Variants in SGMS2 observed in about 807,000 individuals in gnomAD.
SGMS2 encodes the protein sphingomyelin synthase 2.
Under a neutral mutation model 43.8 loss-of-function variants are expected in SGMS2, and 21 were observed. The ratio of observed to expected loss-of-function variants is 0.48; its 90% CI spans 0.34 to 0.69. The LOEUF (loss-of-function observed/expected upper bound fraction) is 0.69, where lower values mean the gene tolerates loss of function less well. Among genes scored for constraint, SGMS2 ranks in the 30% least tolerant of loss-of-function variants. SGMS2 has a pLI of 0.01. For missense variants in SGMS2, 384 were observed against 443.2 expected (o/e 0.87, Z 1.20); for synonymous variants, 167 against 160.6 (o/e 1.04, Z -0.30).
upstream of SGMS2, chr4:107,824,696 A>AT (rs1725465947): frequency 6.6e-6 from 1 of 151,830 alleles, no homozygotes; most frequent in South Asian, 2.1e-4. Flanking sequence ...GTCGGCTGGG[A>AT]TTTTCTTCTT....
At chr4:107,850,905 C>T (rs1727099867) in intron 1 of SGMS2, among the ~76,000 whole-genome samples, 1 of 152,168 alleles carries the variant, frequency 6.6e-6, no homozygotes, top group Admixed American at 6.5e-5. Flanking sequence ...AGTTGCAAAA[C>T]CTTCTACGAG....
At chr4:107,830,965 G>T (rs972504352) in intron 1 of SGMS2, among the ~76,000 whole-genome samples, 2 of 152,164 alleles carry the variant, frequency 1.3e-5, no homozygotes, top group African/African-American at 4.8e-5. Flanking sequence ...GATACTATAA[G>T]TACTAGTGAA....
At chr4:107,869,862 G>A (rs1163495887) in intron 2 of SGMS2, among the ~76,000 whole-genome samples, 1 of 152,048 alleles carries the variant, frequency 6.6e-6, no homozygotes, top group Non-Finnish European at 1.5e-5. Context: ...TTTTTCTTAA[G>A]TCAAAATAAG....
intron 2 of SGMS2, among the ~76,000 whole-genome samples, chr4:107,889,358 A>G (rs560207469): frequency 7.4e-4 from 113 of 152,318 alleles, no homozygotes; most frequent in African/African-American, 2.6e-3. Flanking sequence ...TTGCTTGATT[A>G]ATAAATGCAA....
Position 107,914,716 on chromosome 4 carries a change from A to G in SGMS2, c.*4163A>G, listed in dbSNP as rs1421452341. 2 of 152,160 alleles carry G rather than the reference A, an allele frequency of 1.3e-5. No homozygotes were observed. Among genetic ancestry groups the G allele is most frequent in the Non-Finnish European group, 2.9e-5 (2 of 68,000 alleles). 9.4% of individuals were successfully genotyped at this position (152,160 alleles called of 1,614,324 possible). A position where few individuals can be genotyped will look rare whatever the true frequency, so the allele number is the denominator to read the frequency against. On this transcript the variant is annotated 3_prime_UTR_variant, in exon 7 of 7. Coordinates refer to ENST00000690982, the MANE Select transcript of SGMS2 (RefSeq NM_001375905.1). ...CAGAAGCTCTTTTTTCCTACCCACCAGTACCTTAATCATTGGTTTATCACA... is the reference window on the plus strand; with the variant it reads ...CAGAAGCTCTTTTTTCCTACCCACCGGTACCTTAATCATTGGTTTATCACA...
At chr4:107,836,147 A>C (rs749299453) in intron 1 of SGMS2, among the ~76,000 whole-genome samples, 2 of 152,182 alleles carry the variant, frequency 1.3e-5, no homozygotes, top group Non-Finnish European at 2.9e-5. Context: ...TGTATATTCT[A>C]CACTTACAGA....
At chr4:107,866,076 A>G (rs1292564761) in intron 2 of SGMS2, among the ~76,000 whole-genome samples, 2 of 152,234 alleles carry the variant, frequency 1.3e-5, no homozygotes, top group Admixed American at 6.5e-5. Context: ...AGTCAGGGTT[A>G]GAACCTGGAT....
chr4:107,887,887 A>G (rs1033618981), intron 2 of SGMS2, among the ~76,000 whole-genome samples: 11 of 152,228 alleles, frequency 7.2e-5, no homozygotes, highest in Non-Finnish European at 1.2e-4. Flanking sequence ...ACCATAAGAT[A>G]AAACTTCCAT....
chr4:107,891,773 C>A (rs1182377600), intron 2 of SGMS2, among the ~76,000 whole-genome samples: 1 of 151,936 alleles, frequency 6.6e-6, no homozygotes, highest in Non-Finnish European at 1.5e-5. Flanking sequence ...AAGCTGGCCA[C>A]CCCCACCCTA....
intron 1 of SGMS2, among the ~76,000 whole-genome samples, chr4:107,845,156 C>A (rs76630368): frequency 0.035 from 5,311 of 152,264 alleles, 314 homozygotes; most frequent in African/African-American, 0.12. Context: ...AGTTATAGAA[C>A]TCCCTAGAGA....
chr4:107,905,372 G>C (rs1009163749), intron 5 of SGMS2, among the ~76,000 whole-genome samples: 1 of 152,158 alleles, frequency 6.6e-6, no homozygotes, highest in Non-Finnish European at 1.5e-5. Flanking sequence ...TTTCCCACCA[G>C]GTCCCTCCCA....
At chr4:107,901,967 C>T (rs763088215) in intron 4 of SGMS2, among the ~76,000 whole-genome samples, 61 of 151,154 alleles carry the variant, frequency 4.0e-4, no homozygotes, top group Middle Eastern at 3.4e-3. Context: ...AGTGCAATGG[C>T]GCAATCTTGG....
intron 1 of SGMS2, among the ~76,000 whole-genome samples, chr4:107,837,195 A>G (rs538451688): frequency 2.0e-5 from 3 of 152,268 alleles, no homozygotes; most frequent in South Asian, 2.1e-4. Flanking sequence ...TTCTCCTCCA[A>G]TGGAAATTGG....
intron 1 of SGMS2, among the ~76,000 whole-genome samples, chr4:107,827,132 A>G (rs1042902177): frequency 2.0e-4 from 30 of 152,186 alleles, no homozygotes; most frequent in African/African-American, 6.8e-4. Flanking sequence ...CTTTGAGGTG[A>G]GATGTTTCTT....
At chr4:107,845,899 G>A (rs1376043587) in intron 1 of SGMS2, among the ~76,000 whole-genome samples, 1 of 152,168 alleles carries the variant, frequency 6.6e-6, no homozygotes, top group Non-Finnish European at 1.5e-5. Flanking sequence ...AGGCAGCAAT[G>A]GAGTTACAGA....
chr4:107,896,124 T>G, intron 3 of SGMS2, 116 bp downstream of exon 3: 1 of 939,970 alleles, frequency 1.1e-6, no homozygotes, highest in South Asian at 1.7e-5. Context: ...TACCCAAACA[T>G]TTGATGAAAG....
chr4:107,857,536 A>C (rs926228743), intron 1 of SGMS2, among the ~76,000 whole-genome samples: 3 of 141,184 alleles, frequency 2.1e-5, no homozygotes, highest in African/African-American at 9.2e-5. Flanking sequence ...TAAAAGATAT[A>C]TATATATATA....
At chr4:107,877,136 A>T (rs1408172615) in intron 2 of SGMS2, among the ~76,000 whole-genome samples, 1 of 146,272 alleles carries the variant, frequency 6.8e-6, no homozygotes, top group East Asian at 2.0e-4. Flanking sequence ...CCATATTTCT[A>T]AAAAAAAAAA....
intron 2 of SGMS2, among the ~76,000 whole-genome samples, chr4:107,884,967 C>T (rs1252868110): frequency 6.6e-6 from 1 of 152,072 alleles, no homozygotes. Context: ...GTTATCCTTT[C>T]CTACCAGTGT....
Sources: gnomAD v4.1 joint callset for allele counts (sites outside exome capture counted in the v4.1 genomes callset) on GRCh38, gnomAD v4.1.1 for gene constraint, MANE v1.5 for transcripts, NCBI Gene and HGNC (gene_info 2026-07-23, HGNC 2026-07-21) for gene names.